Variants in LARGE1 observed in about 807,000 individuals in gnomAD.
LARGE1 encodes the protein LARGE xylosyl- and glucuronyltransferase 1.
A neutral mutation model predicts 87.6 loss-of-function variants in LARGE1; 43 were observed. The observed-to-expected ratio is 0.49, with a 90% CI of 0.38 to 0.63. The LOEUF is 0.63. LARGE1 is among the 30% of genes least tolerant of loss of function. LARGE1 has a pLI of 0.00. For missense variants in LARGE1, 802 were observed against 1,000.2 expected (o/e 0.80, Z 2.67); for synonymous variants, 434 against 394.6 (o/e 1.10, Z -1.18).
At chr22:33,615,421 G>A (rs965166322) in intron 4 of LARGE1, among the ~76,000 whole-genome samples, 7 of 152,094 alleles carry the variant, frequency 4.6e-5, no homozygotes, top group Admixed American at 3.3e-4. Flanking sequence ...CATTGGGTTA[G>A]GTAATTGTTT....
intron 2 of LARGE1, among the ~76,000 whole-genome samples, chr22:33,709,486 A>G (rs924684691): frequency 2.0e-5 from 3 of 152,156 alleles, no homozygotes; most frequent in African/African-American, 7.2e-5. Flanking sequence ...CATTGAATGC[A>G]CGCCAAGACT....
In LARGE1 at chr22:33,509,074, C is replaced by G. The variant is rs551643084; in HGVS notation, c.787+55774G>C. 6.6e-5 allele frequency among the ~76,000 whole-genome samples: 10 copies of G among 152,314 alleles called. No homozygotes were observed. In the East Asian group the frequency reaches 1.7e-3, roughly 26 times the overall value. On this transcript the variant is annotated intron_variant, in intron 6 of 14. Transcript: ENST00000397394. ...CAGGTATATCAGGCCTTAGGCTGTC[C>G]TTCCAAAAGACATCACCTGCCTAAA...
At chr22:33,189,978 T>C (rs1404481902) in intron 11 of LARGE1, among the ~76,000 whole-genome samples, 1 of 152,198 alleles carries the variant, frequency 6.6e-6, no homozygotes, top group Non-Finnish European at 1.5e-5. Flanking sequence ...CCCCAGGGAA[T>C]AGCCAGGCTA....
At chr22:33,826,498 G>A (rs1337761221) in intron 1 of LARGE1, among the ~76,000 whole-genome samples, 6 of 151,566 alleles carry the variant, frequency 4.0e-5, no homozygotes, top group African/African-American at 7.3e-5. Flanking sequence ...ATCCACCACC[G>A]CACCCGGCTA....
At chr22:33,348,779 C>A (rs1940066761) in intron 9 of LARGE1, among the ~76,000 whole-genome samples, 1 of 151,878 alleles carries the variant, frequency 6.6e-6, no homozygotes, top group Admixed American at 6.6e-5. Context: ...CAGACTGGAA[C>A]CGATATGGTT....
chr22:33,209,056 G>A (rs1924828550), intron 11 of LARGE1, among the ~76,000 whole-genome samples: 1 of 152,154 alleles, frequency 6.6e-6, no homozygotes, highest in Non-Finnish European at 1.5e-5. Context: ...TTTTATAATA[G>A]AATGATTTAT....
intron 2 of LARGE1, among the ~76,000 whole-genome samples, chr22:33,710,708 T>G (rs2082706653): frequency 6.6e-6 from 1 of 152,152 alleles, no homozygotes; most frequent in African/African-American, 2.4e-5. Flanking sequence ...CTGCTGTCAT[T>G]TGAGTAGAAT....
At position 33,346,307 on chromosome 22, in the gene LARGE1, C is replaced by CT. The variant is rs200111650; in HGVS notation, c.1132-8507dup. Among the ~76,000 whole-genome samples, 16 of 138,896 alleles carry CT rather than the reference C, an allele frequency of 1.2e-4. 1 individual carries two copies. In the East Asian group the frequency reaches 1.4e-3, roughly 13 times the overall value. The allele number at this position is 138,896 out of a possible 152,430, so 91.1% of individuals were successfully genotyped here. A position where few individuals can be genotyped will look rare whatever the true frequency, so the allele number is the denominator to read the frequency against. On this transcript the variant is annotated intron_variant, in intron 9 of 14. Transcript: ENST00000397394. The stretch of plus-strand genomic sequence containing the variant: ...CCTCCTCCTCCTCCTTCTTCTTTTT[C>CT]TTTTTTTTTTCTGAGACAGAGTCTC...
intron 1 of LARGE1, among the ~76,000 whole-genome samples, chr22:33,800,770 C>A (rs924033539): frequency 6.6e-6 from 1 of 152,174 alleles, no homozygotes. Flanking sequence ...CAAGGATATA[C>A]ATTTTGTTCA....
At chr22:33,257,466 C>CA (rs938735130) in intron 11 of LARGE1, among the ~76,000 whole-genome samples, 12 of 143,624 alleles carry the variant, frequency 8.4e-5, no homozygotes, top group South Asian at 2.3e-4. Context: ...AACAAAAAAA[C>CA]AAAAAAAAGG....
chr22:33,620,043 T>C (rs1224565811), intron 4 of LARGE1, among the ~76,000 whole-genome samples: 1 of 152,198 alleles, frequency 6.6e-6, no homozygotes, highest in African/African-American at 2.4e-5. Context: ...ATTCAAATCC[T>C]ATGCACAACT....
chr22:33,897,302 C>T (rs371647941), intron 1 of LARGE1, among the ~76,000 whole-genome samples: 13 of 152,332 alleles, frequency 8.5e-5, no homozygotes, highest in Admixed American at 2.6e-4. Flanking sequence ...CCTACTCCTC[C>T]GCTTTTATTT....
At chr22:33,599,534 G>A (rs2079062595) in intron 5 of LARGE1, among the ~76,000 whole-genome samples, 1 of 152,108 alleles carries the variant, frequency 6.6e-6, no homozygotes, top group Admixed American at 6.6e-5. Flanking sequence ...ATAGAGATAG[G>A]CAGGCTGAGC....
intron 7 of LARGE1, among the ~76,000 whole-genome samples, chr22:33,397,884 AT>A (rs916119293): frequency 2.6e-5 from 4 of 152,250 alleles, no homozygotes; most frequent in East Asian, 3.9e-4. Context: ...TTTAATTTGC[AT>A]TTTTTAATGA....
At chr22:33,192,516 G>A (rs922893327) in intron 11 of LARGE1, among the ~76,000 whole-genome samples, 1 of 151,956 alleles carries the variant, frequency 6.6e-6, no homozygotes, top group Non-Finnish European at 1.5e-5. Flanking sequence ...AAAAAAATCT[G>A]GTTGTTTACT....
chr22:33,640,973 G>A (rs890623476), intron 3 of LARGE1, among the ~76,000 whole-genome samples: 20 of 152,258 alleles, frequency 1.3e-4, no homozygotes, highest in Admixed American at 1.2e-3. Context: ...GGGGCAAAAG[G>A]TGGCTGTGGG....
intron 1 of LARGE1, among the ~76,000 whole-genome samples, chr22:33,869,210 T>C (rs977254923): frequency 2.0e-5 from 3 of 152,132 alleles, no homozygotes; most frequent in African/African-American, 7.2e-5. Context: ...CATCCTCCTC[T>C]TGTCTGTCGG....
chr22:33,479,243 T>C (rs2069207313), intron 6 of LARGE1, among the ~76,000 whole-genome samples: 2 of 152,196 alleles, frequency 1.3e-5, no homozygotes. Context: ...ATTCCCCTAT[T>C]AGACCCTCTG....
At chr22:33,725,891 C>CG (rs949971517) in intron 2 of LARGE1, 1 of 89,410 alleles carries the variant, frequency 1.1e-5, no homozygotes, top group African/African-American at 8.2e-5. Flanking sequence ...CAATTTGCCC[C>CG]CCTGCCGCGG....
Sources: allele counts gnomAD v4.1 joint callset (sites outside exome capture counted in the v4.1 genomes callset), GRCh38; gene constraint gnomAD v4.1.1; transcripts MANE v1.5; gene names NCBI Gene and HGNC (gene_info 2026-07-23, HGNC 2026-07-21).